Variants in IMPG1 observed in about 807,000 individuals in gnomAD.
IMPG1 encodes the protein interphotoreceptor matrix proteoglycan 1, also known as interphotoreceptor matrix proteoglycan of 150 kDa.
In IMPG1, 85 loss-of-function variants were observed where a neutral mutation model predicts 92.0. That is an observed-to-expected ratio of 0.92 (90% CI 0.78 to 1.11). The LOEUF (loss-of-function observed/expected upper bound fraction) is 1.11. IMPG1 is among the 50% of genes least tolerant of loss of function. The pLI, the probability that IMPG1 is intolerant of heterozygous loss-of-function variation, is 0.00. For missense variants in IMPG1, 1,022 were observed against 956.0 expected (o/e 1.07, Z -0.91); for synonymous variants, 367 against 334.1 (o/e 1.10, Z -1.08).
intron 1 of IMPG1, among the ~76,000 whole-genome samples, chr6:76,062,328 C>A (rs575104970): frequency 1.3e-5 from 2 of 152,162 alleles, no homozygotes; most frequent in South Asian, 4.1e-4. Context: ...TTAGATAAAG[C>A]AAATCTTGAC....
chr6:75,963,957 T>G (rs1782255024), intron 12 of IMPG1, among the ~76,000 whole-genome samples: 1 of 152,218 alleles, frequency 6.6e-6, no homozygotes, highest in Non-Finnish European at 1.5e-5. Context: ...AATGCACTAA[T>G]TGCTACTGTG....
At chr6:76,061,749 T>C (rs909755769) in intron 1 of IMPG1, among the ~76,000 whole-genome samples, 9 of 152,166 alleles carry the variant, frequency 5.9e-5, no homozygotes, top group African/African-American at 2.2e-4. Flanking sequence ...AGCAATTAAA[T>C]GAAATTATTT....
At chr6:76,038,602 C>T (rs1380873125) in intron 2 of IMPG1, among the ~76,000 whole-genome samples, 1 of 152,120 alleles carries the variant, frequency 6.6e-6, no homozygotes, top group Non-Finnish European at 1.5e-5. Flanking sequence ...TGGGAGGGAC[C>T]TGAAAACTTC....
chr6:75,954,651 C>T (rs544074841), intron 12 of IMPG1, among the ~76,000 whole-genome samples: 9 of 152,236 alleles, frequency 5.9e-5, no homozygotes, highest in East Asian at 5.8e-4. Context: ...GCTTTTGTTG[C>T]GATTGCTTTG....
At chr6:75,923,843 T>G (rs2149447050) in intron 15 of IMPG1, 137 bp from the exon 16 acceptor site, 1 of 569,958 alleles carries the variant, frequency 1.8e-6, no homozygotes, top group South Asian at 2.4e-5. Flanking sequence ...GTGTCTTCCG[T>G]TTGAGTTGGA....
intron 12 of IMPG1, among the ~76,000 whole-genome samples, chr6:75,975,994 C>A (rs548981697): frequency 9.2e-5 from 14 of 152,044 alleles, no homozygotes; most frequent in African/African-American, 3.4e-4. Flanking sequence ...GCATGCCTAG[C>A]TTGCGGGCTG....
intron 1 of IMPG1, among the ~76,000 whole-genome samples, chr6:76,048,662 G>T (rs148884179): frequency 7.9e-5 from 12 of 151,832 alleles, no homozygotes; most frequent in African/African-American, 2.7e-4. Context: ...ACACAAACAC[G>T]CTATTATTTT....
At chr6:75,959,805 G>C (rs548773170) in intron 12 of IMPG1, among the ~76,000 whole-genome samples, 83 of 152,326 alleles carry the variant, frequency 5.4e-4, no homozygotes, top group African/African-American at 1.9e-3. Context: ...TGGGCTCCAT[G>C]GGGGGTGGGA....
At chr6:76,057,780 G>A (rs927875512) in intron 1 of IMPG1, among the ~76,000 whole-genome samples, 1 of 151,960 alleles carries the variant, frequency 6.6e-6, no homozygotes, top group Non-Finnish European at 1.5e-5. Flanking sequence ...CTAAATTAAG[G>A]ACATTTATGT....
intron 14 of IMPG1, among the ~76,000 whole-genome samples, chr6:75,946,331 C>T (rs1374548778): frequency 6.6e-6 from 1 of 152,162 alleles, no homozygotes; most frequent in Non-Finnish European, 1.5e-5. Flanking sequence ...TCCCACTGAG[C>T]CTTTTTGGTT....
At chr6:75,962,105 T>A (rs901769814) in intron 12 of IMPG1, among the ~76,000 whole-genome samples, 3 of 146,712 alleles carry the variant, frequency 2.0e-5, no homozygotes, top group Non-Finnish European at 4.5e-5. Context: ...ATTGTACCAA[T>A]TTTTAAAAGA....
Position 75,921,905 on chromosome 6 carries a change from T to G in IMPG1, c.*184A>C. On this transcript the variant is annotated 3_prime_UTR_variant, in exon 17 of 17. Transcript: ENST00000369950. ...TAATAATAAGTAAGTGTCTTTTTCT[T>G]CAGAATTTACTGGTTGCCAAGTACA... 2.3e-6 allele frequency: 1 copy of G among 436,622 alleles called. No individual in the cohort carries two copies. The highest frequency in any genetic ancestry group is 4.1e-6 in the Non-Finnish European group (1 of 244,430). The allele number at this position is 436,622 out of a possible 1,614,324, so 27.0% of individuals were successfully genotyped here.
chr6:75,960,941 A>G (rs930389975), intron 12 of IMPG1, among the ~76,000 whole-genome samples: 2 of 152,196 alleles, frequency 1.3e-5, no homozygotes, highest in Admixed American at 6.5e-5. Flanking sequence ...CCAGCTGCCA[A>G]ATGTAGAGTA....
chr6:76,020,062 T>C (rs1582108977), intron 6 of IMPG1, among the ~76,000 whole-genome samples: 1 of 152,180 alleles, frequency 6.6e-6, no homozygotes, highest in East Asian at 1.9e-4. Flanking sequence ...CTTTTATTTA[T>C]TTATTTTTTT....
intron 6 of IMPG1, among the ~76,000 whole-genome samples, chr6:76,019,427 G>A (rs776069854): frequency 4.6e-5 from 7 of 152,184 alleles, no homozygotes; most frequent in South Asian, 4.1e-4. Context: ...CTCTGGTTAC[G>A]TACATGGTCT....
chr6:75,933,659 C>A (rs930063720), intron 14 of IMPG1, among the ~76,000 whole-genome samples: 2 of 152,170 alleles, frequency 1.3e-5, no homozygotes, highest in Non-Finnish European at 2.9e-5. Context: ...CTACTAGCAT[C>A]CCAGTAGATT....
rs554294587 is a variant in IMPG1 at position 75,924,004 on chromosome 6, G to C, written c.2244-298C>G. ...GTTGTGGTTGCTGAAAAACAACTCT[G>C]TAATGGCATATTGTTAATAAAATTT... On this transcript the variant is annotated intron_variant, in intron 15 of 16. Coordinates refer to ENST00000369950, the MANE Select transcript of IMPG1 (RefSeq NM_001563.4). Among the ~76,000 whole-genome samples, 7 of 152,166 alleles carry C rather than the reference G, an allele frequency of 4.6e-5. No individual in the cohort carries two copies. In the South Asian group the frequency reaches 1.5e-3, roughly 32 times the overall value.
At chr6:75,924,732 T>TG (rs1473908030) in intron 15 of IMPG1, among the ~76,000 whole-genome samples, 10 of 65,596 alleles carry the variant, frequency 1.5e-4, no homozygotes, top group African/African-American at 1.9e-4. Flanking sequence ...TATAATTATA[T>TG]ATAATATATA....
chr6:75,939,836 G>A (rs892343379), intron 14 of IMPG1, among the ~76,000 whole-genome samples: 2 of 152,240 alleles, frequency 1.3e-5, no homozygotes, highest in Admixed American at 1.3e-4. Flanking sequence ...ATTGGAGGGC[G>A]CCTTGCTCTA....
Sources: gnomAD v4.1 joint callset for allele counts (sites outside exome capture counted in the v4.1 genomes callset) on GRCh38, gnomAD v4.1.1 for gene constraint, MANE v1.5 for transcripts, NCBI Gene and HGNC (gene_info 2026-07-23, HGNC 2026-07-21) for gene names.